The following TAFA1 variants were observed in gnomAD, a reference collection of about 807,000 sequenced individuals.
The protein encoded by TAFA1 is TAFA chemokine like family member 1.
A neutral mutation model predicts 18.5 loss-of-function variants in TAFA1; 4 were observed. The observed-to-expected ratio is 0.22, with a 90% CI of 0.11 to 0.49. The LOEUF (loss-of-function observed/expected upper bound fraction) is 0.49. TAFA1 is among the 20% of genes least tolerant of loss of function. TAFA1 has a pLI of 0.98. For synonymous variants in TAFA1, 56 were observed against 55.2 expected (o/e 1.01, Z -0.06); for missense variants, 147 against 169.0 (o/e 0.87, Z 0.72).
intron 2 of TAFA1, among the ~76,000 whole-genome samples, chr3:68,141,580 T>A (rs116086133): frequency 0.011 from 1,623 of 152,250 alleles, 39 homozygotes; most frequent in African/African-American, 0.037. Context: ...CTAGGCCTGA[T>A]CAAATCAGAC....
chr3:68,379,369 G>T (rs138526587), intron 2 of TAFA1, among the ~76,000 whole-genome samples: 1 of 152,232 alleles, frequency 6.6e-6, no homozygotes, highest in East Asian at 1.9e-4. Context: ...ATTTGTTTAA[G>T]TTCCTTACAA....
At chr3:68,206,350 A>G (rs897642548) in intron 2 of TAFA1, among the ~76,000 whole-genome samples, 1 of 151,864 alleles carries the variant, frequency 6.6e-6, no homozygotes, top group Non-Finnish European at 1.5e-5. Context: ...TTAAAATGAG[A>G]TAGATGTTTT....
intron 2 of TAFA1, among the ~76,000 whole-genome samples, chr3:68,158,112 A>G (rs7635897): frequency 0.19 from 29,192 of 152,140 alleles, 3,223 homozygotes; most frequent in Middle Eastern, 0.29. Context: ...TTGAGGCCCA[A>G]TCCAATGGCT....
chr3:68,541,649 A>G (rs1313498112), intron 4 of TAFA1, among the ~76,000 whole-genome samples: 2 of 152,234 alleles, frequency 1.3e-5, no homozygotes, highest in Admixed American at 6.5e-5. Context: ...ATTCAAAGAC[A>G]GTTCACTCAG....
intron 3 of TAFA1, among the ~76,000 whole-genome samples, chr3:68,487,302 A>C (rs1237780928): frequency 6.6e-6 from 1 of 152,162 alleles, no homozygotes; most frequent in Non-Finnish European, 1.5e-5. Flanking sequence ...TTCTTTTATT[A>C]TTTAAAAGCT....
Position 68,161,103 on chromosome 3 carries a change from A to T in TAFA1, c.118+154359A>T, listed in dbSNP as rs76346261. ...TATACATATATGTAATGTTATGATA[A>T]TACTTTGATGTCAACACAATCTAAG... On this transcript the variant is annotated intron_variant, in intron 2 of 4. Coordinates refer to ENST00000478136, the MANE Select transcript of TAFA1 (RefSeq NM_213609.4). Among the ~76,000 whole-genome samples, 351 of 152,344 alleles carry T rather than the reference A, an allele frequency of 2.3e-3. 10 individuals are homozygous for T. The East Asian group carries it at 0.053, about 23-fold the overall frequency.
In TAFA1 at chr3:68,417,276, C is replaced by T. The variant is rs1205812634; in HGVS notation, c.119-4C>T. 11 of 1,611,754 alleles carry T rather than the reference C, an allele frequency of 6.8e-6. No individual in the cohort carries two copies. The Middle Eastern group carries it at 6.7e-4, about 97-fold the overall frequency. On this transcript the variant is annotated splice_region_variant and splice_polypyrimidine_tract_variant and intron_variant, in intron 2 of 4. Coordinates refer to ENST00000478136, the MANE Select transcript of TAFA1 (RefSeq NM_213609.4). ...CAGTGTCCCTGTTCTTTCTCTCTTG[C>T]CAGAAGGAGGGACGTGTGAAGTGAT... is the stretch of plus-strand genomic sequence containing the variant.
chr3:68,222,165 C>T (rs905838032), intron 2 of TAFA1, among the ~76,000 whole-genome samples: 3 of 141,012 alleles, frequency 2.1e-5, no homozygotes, highest in Non-Finnish European at 4.6e-5. Flanking sequence ...GCAATGCCAC[C>T]CATTTTTAGA....
chr3:67,999,054 T>G, the TAFA1 span, among the ~76,000 whole-genome samples: 1 of 152,196 alleles, frequency 6.6e-6, no homozygotes, highest in Non-Finnish European at 1.5e-5. Context: ...CTGGCTGGTG[T>G]ATTCTAGAAC....
chr3:68,451,522 G>A (rs928576282), intron 3 of TAFA1, among the ~76,000 whole-genome samples: 12 of 152,174 alleles, frequency 7.9e-5, no homozygotes, highest in African/African-American at 2.9e-4. Context: ...GGAAAAAAAG[G>A]CTATTAGGCC....
intron 2 of TAFA1, among the ~76,000 whole-genome samples, chr3:68,113,451 A>G (rs999043445): frequency 1.3e-5 from 2 of 152,206 alleles, no homozygotes; most frequent in Admixed American, 1.3e-4. Flanking sequence ...AAGGTAATAC[A>G]GTAAATGATT....
At chr3:68,164,404 T>C (rs911970887) in intron 2 of TAFA1, among the ~76,000 whole-genome samples, 2 of 152,238 alleles carry the variant, frequency 1.3e-5, no homozygotes, top group Non-Finnish European at 2.9e-5. Context: ...TGACACTTCA[T>C]AGTGGTGTCA....
At chr3:68,315,227 A>G (rs2106690691) in intron 2 of TAFA1, among the ~76,000 whole-genome samples, 1 of 152,132 alleles carries the variant, frequency 6.6e-6, no homozygotes, top group East Asian at 1.9e-4. Flanking sequence ...ACAAAAGAGG[A>G]AAGTTATAGA....
the TAFA1 span, among the ~76,000 whole-genome samples, chr3:67,995,207 C>T: frequency 6.6e-6 from 1 of 152,130 alleles, no homozygotes. Flanking sequence ...CAAGAAATTG[C>T]AGGTATTTTG....
chr3:68,233,529 T>TTG (rs1287251508), intron 2 of TAFA1, among the ~76,000 whole-genome samples: 1 of 152,202 alleles, frequency 6.6e-6, no homozygotes, highest in Non-Finnish European at 1.5e-5. Context: ...TCTGGGTTAC[T>TTG]ATAGCTTTGA....
intron 2 of TAFA1, among the ~76,000 whole-genome samples, chr3:68,338,491 G>A (rs1304823235): frequency 6.6e-6 from 1 of 152,106 alleles, no homozygotes; most frequent in Non-Finnish European, 1.5e-5. Flanking sequence ...CATTTTTTGA[G>A]CTTTTATTAT....
intron 2 of TAFA1, among the ~76,000 whole-genome samples, chr3:68,113,455 A>C (rs535230356): frequency 6.6e-6 from 1 of 152,226 alleles, no homozygotes; most frequent in Non-Finnish European, 1.5e-5. Flanking sequence ...TAATACAGTA[A>C]ATGATTGAAA....
At chr3:68,319,115 A>G (rs2068657513) in intron 2 of TAFA1, among the ~76,000 whole-genome samples, 1 of 152,198 alleles carries the variant, frequency 6.6e-6, no homozygotes, top group Non-Finnish European at 1.5e-5. Flanking sequence ...CACCTTAAGG[A>G]CATAAAAGAG....
intron 3 of TAFA1, among the ~76,000 whole-genome samples, chr3:68,524,174 A>T (rs1365943875): frequency 6.6e-6 from 1 of 152,078 alleles, no homozygotes; most frequent in African/African-American, 2.4e-5. Context: ...ATGTCTGATG[A>T]TTGACAGGTT....
Sources: gnomAD v4.1 joint callset for allele counts (sites outside exome capture counted in the v4.1 genomes callset) on GRCh38, gnomAD v4.1.1 for gene constraint, MANE v1.5 for transcripts, NCBI Gene and HGNC (gene_info 2026-07-23, HGNC 2026-07-21) for gene names.